TRIM68: variants seen among roughly 807,000 people sequenced by gnomAD.
TRIM68 encodes the protein E3 ubiquitin-protein ligase TRIM68.
TRIM68 carries 36 observed loss-of-function variants against 41.9 expected under a neutral mutation model. That is an observed-to-expected ratio of 0.86 (90% CI 0.66 to 1.14). The LOEUF (loss-of-function observed/expected upper bound fraction) is 1.14. Among genes scored for constraint, TRIM68 ranks in the 50% most tolerant of loss-of-function variants. The probability of loss-of-function intolerance (pLI) is 0.00; values close to 1 mark genes in which losing one functional copy is unlikely to be tolerated. For missense variants in TRIM68, 632 were observed against 605.1 expected (o/e 1.04, Z -0.47); for synonymous variants, 225 against 224.6 (o/e 1.00, Z -0.02).
intron 5 of TRIM68, 42 bp downstream of exon 5, chr11:4,601,622 C>T (rs372713453): frequency 1.9e-6 from 3 of 1,612,344 alleles, no homozygotes; most frequent in African/African-American, 2.7e-5. Flanking sequence ...GCCTCACTAT[C>T]CCCTACAGGG....
Position 4,605,313 on chromosome 11 carries a change from G to T in TRIM68, c.192C>A (p.Val64=). ...AATTAGGCCGCAGGTTCCTTGGCTG[G>T]ACAGGAGCTCGACAGAGGGGACAGG... The part of the protein sequence containing the change: ...GYTCPLCRAP[V]QPRNLRPNWQ... The change falls in exon 2 of 7, where the codon GTC becomes GTA. Residue 64 remains valine, a synonymous_variant. Transcript: ENST00000300747. 1 of 1,614,244 alleles carries T rather than the reference G, an allele frequency of 6.2e-7. No homozygotes were observed. The highest frequency in any genetic ancestry group is 1.1e-5 in the South Asian group (1 of 91,088).
Position 4,600,524 on chromosome 11 carries a change from AC to A in TRIM68, c.1209del (p.Glu403AspfsTer37). ...FWVIRLRKGN[E>X]YRAGTDEYPI... ...GGGTACTCATCGGTGCCTGCTCGGT[AC>A]TCATTTCCCTTCCTCAGCCTTATCA... On this transcript the variant is annotated frameshift_variant, in exon 7 of 7. Transcript: ENST00000300747. LOFTEE classifies it high-confidence loss of function. 1 of 1,613,878 alleles carries A rather than the reference AC, an allele frequency of 6.2e-7. No homozygotes were observed. Among genetic ancestry groups the A allele is most frequent in the Non-Finnish European group, 8.5e-7 (1 of 1,179,940 alleles).
At chr11:4,604,992 C>G in intron 2 of TRIM68, 87 bp downstream of exon 2, 1 of 1,453,090 alleles carries the variant, frequency 6.9e-7, no homozygotes, top group Non-Finnish European at 9.4e-7. Flanking sequence ...AGCTCTCAGT[C>G]TGTGGTGCTG....
At position 4,600,472 on chromosome 11, in the gene TRIM68, C is replaced by T. The variant is rs143749633; in HGVS notation, c.1262G>A (p.Arg421His). Residue 421 changes from arginine (R) to histidine (H), a missense_variant, in exon 7 of 7, where the codon CGC becomes CAC. Physicochemically the swap from Arg to His is conservative, Grantham distance 29. Transcript: ENST00000300747. The stretch of plus-strand genomic sequence containing the variant: ...ATAATCCACGAAGATTCCCACCCGG[C>T]GAGGAGGGACCGGCAAGGACAGGAT... Reference protein sequence around the residue: ...YPILSLPVPPRRVGIFVDYEA... With the variant: ...YPILSLPVPPHRVGIFVDYEA... 6.8e-6 allele frequency: 11 copies of T among 1,613,142 alleles called. No homozygotes were observed. Among genetic ancestry groups the T allele is most frequent in the East Asian group, 2.2e-5 (1 of 44,862 alleles).
chr11:4,602,209 C>G lies in TRIM68; in HGVS notation c.726G>C (p.Trp242Cys), dbSNP rs1452541195. ...TCTCTTTCAACTCTGCAATCATCCT[C>G]CACAGGACCTGGCTCTGCTGGATGA... ...SELIQQSQVL[W>C]RMIAELKERS... The change falls in exon 4 of 7, where the codon TGG (tryptophan) becomes TGC (cysteine). Residue 242 changes from tryptophan to cysteine, a missense_variant. Trp to Cys is a radical substitution (Grantham distance 215). Coordinates refer to ENST00000300747, the MANE Select transcript of TRIM68 (RefSeq NM_018073.8). 14 of 1,614,190 alleles carry G rather than the reference C, an allele frequency of 8.7e-6. No homozygotes were observed. The highest frequency in any genetic ancestry group is 1.2e-5 in the Non-Finnish European group (14 of 1,180,026).
In TRIM68 at chr11:4,602,242, A is replaced by T; in HGVS notation, c.693T>A (p.His231Gln). Reference sequence around the variant, plus strand: ...CCTGGCTCTGCTGGATGAGCTCGCTATGGTTCAACTCCAGTTTCTGCATGG... The same window carrying T: ...CCTGGCTCTGCTGGATGAGCTCGCTTTGGTTCAACTCCAGTTTCTGCATGG... Reference protein sequence around the residue: ...AETMQKLELNHSELIQQSQVL... With the variant: ...AETMQKLELNQSELIQQSQVL... Residue 231 changes from histidine to glutamine, a missense_variant, in exon 4 of 7, where the codon CAT becomes CAA. Physicochemically the swap from His to Gln is conservative, Grantham distance 24 (BLOSUM62 0). Transcript: ENST00000300747. The T allele has an allele frequency of 6.2e-7, 1 of 1,614,098 alleles. No individual in the cohort carries two copies. The highest frequency in any genetic ancestry group is 8.5e-7 in the Non-Finnish European group (1 of 1,180,000).
Position 4,605,223 on chromosome 11 carries a change from C to A in TRIM68, c.282G>T (p.Lys94Asn), listed in dbSNP as rs769327348. Residue 94 changes from lysine (K) to asparagine (N), a missense_variant, in exon 2 of 7, where the codon AAG becomes AAT. Physicochemically the swap from Lys to Asn is moderately conservative, Grantham distance 94 (BLOSUM62 0). Transcript: ENST00000300747. ...CCCCATGGCGCTCACACAGGTCACC[C>A]TTCAGCCCCATTCCTGGATGTAGCC... ...LLRLHPGMGL[K>N]GDLCERHGEK... The A allele has an allele frequency of 6.2e-7, 1 of 1,614,244 alleles. No homozygotes were observed.
rs1255661347 is a variant in TRIM68 at position 4,608,007 on chromosome 11, A to G, written c.-58+20T>C. ...AGCGTGCGGGATCTGACTTCAGAAA[A>G]GGCAGAGTTATCTACCCACCTCCCT... On this transcript the variant is annotated intron_variant, in intron 1 of 6. Coordinates refer to ENST00000300747, the MANE Select transcript of TRIM68 (RefSeq NM_018073.8). The G allele has an allele frequency of 1.3e-5, 2 of 152,378 alleles. No homozygotes were observed. The highest frequency in any genetic ancestry group is 4.8e-5 in the African/African-American group (2 of 41,460). The allele number at this position is 152,378 out of a possible 1,614,324, so 9.4% of individuals were successfully genotyped here.
intron 4 of TRIM68, 102 bp from the exon 5 acceptor site, chr11:4,601,788 T>G (rs1010115046): frequency 1.5e-6 from 2 of 1,336,444 alleles, no homozygotes; most frequent in Non-Finnish European, 2.2e-6. Context: ...GGGAGACAGA[T>G]ACCAAGAATG....
chr11:4,604,070 T>C (rs1395037003), intron 2 of TRIM68, among the ~76,000 whole-genome samples: 1 of 152,226 alleles, frequency 6.6e-6, no homozygotes, highest in Non-Finnish European at 1.5e-5. Context: ...CCAAAGTCAT[T>C]CAGGTAATAA....
chr11:4,606,773 C>A (rs901161492), intron 1 of TRIM68, among the ~76,000 whole-genome samples: 8 of 152,184 alleles, frequency 5.3e-5, no homozygotes, highest in Non-Finnish European at 1.0e-4. Flanking sequence ...GGGCAAATTT[C>A]TTAACCTCTT....
intron 1 of TRIM68, among the ~76,000 whole-genome samples, chr11:4,607,593 C>A (rs1372152736): frequency 1.3e-5 from 2 of 152,186 alleles, no homozygotes; most frequent in Non-Finnish European, 2.9e-5. Context: ...TACAGTGGAA[C>A]GCATATTATT....
chr11:4,605,242 T>C lies in TRIM68; in HGVS notation c.263A>G (p.His88Arg), dbSNP rs1443840200. 2 of 1,614,146 alleles carry C rather than the reference T, an allele frequency of 1.2e-6. No homozygotes were observed. Among genetic ancestry groups the C allele is most frequent in the African/African-American group, 1.3e-5 (1 of 74,948 alleles). ...VVEKVRLLRL[H>R]PGMGLKGDLC... Reference sequence around the variant, plus strand: ...GTCACCCTTCAGCCCCATTCCTGGATGTAGCCTTAGCAGACGGACTTTTTC... The same window carrying C: ...GTCACCCTTCAGCCCCATTCCTGGACGTAGCCTTAGCAGACGGACTTTTTC... Residue 88 changes from histidine to arginine, a missense_variant, in exon 2 of 7, where the codon CAT becomes CGT. Transcript: ENST00000300747.
intron 2 of TRIM68, 152 bp downstream of exon 2, chr11:4,604,927 A>G (rs981447557): frequency 6.3e-6 from 5 of 789,752 alleles, no homozygotes; most frequent in Non-Finnish European, 9.9e-6. Flanking sequence ...AAGGAAAGGT[A>G]TAGCTCTCTG....
Position 4,600,535 on chromosome 11 carries a change from T to A in TRIM68, c.1199A>T (p.Lys400Met). The A allele has an allele frequency of 6.2e-7, 1 of 1,614,054 alleles. No homozygotes were observed. The highest frequency in any genetic ancestry group is 8.5e-7 in the Non-Finnish European group (1 of 1,180,004). The stretch of plus-strand genomic sequence containing the variant: ...GGTGCCTGCTCGGTACTCATTTCCC[T>A]TCCTCAGCCTTATCACCCAGAATCC... ...HYGFWVIRLR[K>M]GNEYRAGTDE... The change falls in exon 7 of 7, where the codon AAG (lysine) becomes ATG (methionine). Residue 400 changes from lysine to methionine, a missense_variant. Coordinates refer to ENST00000300747, the MANE Select transcript of TRIM68 (RefSeq NM_018073.8).
At chr11:4,601,497 G>T (rs1397493691) in intron 5 of TRIM68, 167 bp downstream of exon 5, 8 of 669,284 alleles carry the variant, frequency 1.2e-5, no homozygotes, top group South Asian at 1.9e-5. Context: ...AAAAAGGAAA[G>T]ATCAACAAAG....
At chr11:4,606,129 C>T (rs529977554) in intron 1 of TRIM68, among the ~76,000 whole-genome samples, 26 of 152,278 alleles carry the variant, frequency 1.7e-4, no homozygotes, top group Non-Finnish European at 3.2e-4. Flanking sequence ...CCTTTTAAAC[C>T]CCTGCCCACT....
At chr11:4,605,589 A>C in intron 1 of TRIM68, 28 bp from the exon 2 acceptor site, 1 of 1,333,030 alleles carries the variant, frequency 7.5e-7, no homozygotes, top group Non-Finnish European at 1.0e-6. Context: ...AAGACAAATA[A>C]GAGAAAAAGG....
At chr11:4,607,845 G>T (rs111779375) in intron 1 of TRIM68, among the ~76,000 whole-genome samples, 182 bp downstream of exon 1, 5,705 of 152,268 alleles carry the variant, frequency 0.037, 137 homozygotes, top group Non-Finnish European at 0.06. Flanking sequence ...GCGGGGCCTG[G>T]AAGACTTCCA....
Sources: gnomAD v4.1 joint callset for allele counts (sites outside exome capture counted in the v4.1 genomes callset) on GRCh38, gnomAD v4.1.1 for gene constraint, MANE v1.5 for transcripts, NCBI Gene and HGNC (gene_info 2026-07-23, HGNC 2026-07-21) for gene names.